Variants in CAPN2 observed in about 807,000 individuals in gnomAD.
CAPN2 encodes the protein calpain 2, also known as calpain-2 catalytic subunit.
A neutral mutation model predicts 102.3 loss-of-function variants in CAPN2; 92 were observed. The ratio of observed to expected loss-of-function variants is 0.90; its 90% CI spans 0.76 to 1.07. The LOEUF (loss-of-function observed/expected upper bound fraction) is 1.07, where lower values mean the gene tolerates loss of function less well. CAPN2 is among the 50% of genes least tolerant of loss of function. CAPN2 has a pLI of 0.00. For missense variants in CAPN2, 800 were observed against 909.4 expected, an observed-to-expected ratio of 0.88 and a Z score of 1.55; for synonymous variants, 340 against 355.4, an observed-to-expected ratio of 0.96 and a Z score of 0.49.
intron 2 of CAPN2, among the ~76,000 whole-genome samples, chr1:223,733,362 A>G (rs963485464): frequency 6.6e-6 from 1 of 151,810 alleles, no homozygotes; most frequent in Non-Finnish European, 1.5e-5. Flanking sequence ...GCTGCATCCC[A>G]CCCCCCAGGA....
intron 9 of CAPN2, among the ~76,000 whole-genome samples, chr1:223,753,823 A>G (rs1291617503): frequency 2.6e-5 from 4 of 152,238 alleles, no homozygotes; most frequent in African/African-American, 4.8e-5. Context: ...TAAATTATAT[A>G]TGAAACAGAA....
chr1:223,772,846 T>A (rs1178945019), intron 20 of CAPN2: 1 of 152,244 alleles, frequency 6.6e-6, no homozygotes, highest in African/African-American at 2.4e-5. Context: ...TGTTCTCGTG[T>A]CATCCCAATG....
At chr1:223,721,920 A>G (rs1571784236) in intron 2 of CAPN2, among the ~76,000 whole-genome samples, 1 of 152,338 alleles carries the variant, frequency 6.6e-6, no homozygotes. Context: ...TCCCAGACAA[A>G]TTCAAGGGAC....
rs981931119 is a variant in CAPN2, at chr1:223,755,739, A to G, written c.1305+90A>G. 1 of 1,272,848 alleles carries G rather than the reference A, an allele frequency of 7.9e-7. No individual in the cohort carries two copies. Among genetic ancestry groups the G allele is most frequent in the Non-Finnish European group, 1.1e-6 (1 of 940,634 alleles). 78.8% of individuals were successfully genotyped at this position (1,272,848 alleles called of 1,614,324 possible). A position where few individuals can be genotyped will look rare whatever the true frequency, so the allele number is the denominator to read the frequency against. ...GCTGACCCCAGAGGCAGAACTGGGG[A>G]TGGGATCCCAGACCGGGAGCTTGGC... On this transcript the variant is annotated intron_variant, in intron 10 of 20. Coordinates refer to ENST00000295006, the MANE Select transcript of CAPN2 (RefSeq NM_001748.5). The surrounding 1 kb of genome is among the most constrained non-coding windows in gnomAD (Gnocchi z 4.1).
In CAPN2 at chr1:223,717,804, C is replaced by T. The variant is rs144316024; in HGVS notation, c.280C>T (p.Arg94Cys). ...DPQFIIGGAT[R>C]TDICQGALGD... The stretch of plus-strand genomic sequence containing the variant: ...CCAGTTTATCATTGGAGGAGCCACC[C>T]GCACAGACATCTGCCAAGGAGCCCT... The change falls in exon 2 of 21, where the codon CGC becomes TGC. Residue 94 changes from arginine to cysteine, a missense_variant. Arg to Cys is a radical substitution (Grantham distance 180). Transcript: ENST00000295006. The T allele has an allele frequency of 2.2e-5, 35 of 1,613,954 alleles. No homozygotes were observed. The highest frequency in any genetic ancestry group is 1.7e-4 in the African/African-American group (13 of 74,902).
intron 2 of CAPN2, among the ~76,000 whole-genome samples, chr1:223,723,507 T>C (rs1358099645): frequency 6.6e-6 from 1 of 152,160 alleles, no homozygotes. Context: ...ACATTGTCCA[T>C]GGGCCATCAT....
chr1:223,712,527 G>A (rs951779944), upstream of CAPN2: 21 of 1,228,888 alleles, frequency 1.7e-5, no homozygotes, highest in African/African-American at 2.5e-4. Context: ...CGCTCGCAGC[G>A]GCGGCGCCCG....
At chr1:223,729,689 C>T (rs1177117287) in intron 2 of CAPN2, among the ~76,000 whole-genome samples, 2 of 152,112 alleles carry the variant, frequency 1.3e-5, no homozygotes, top group Non-Finnish European at 2.9e-5. Flanking sequence ...TAATTGAAAG[C>T]ATTAAGTTAC....
At chr1:223,705,995 G>A (rs1659596198) in intron 1 of CAPN2, among the ~76,000 whole-genome samples, 1 of 152,170 alleles carries the variant, frequency 6.6e-6, no homozygotes, top group African/African-American at 2.4e-5. Flanking sequence ...AAGACTACAT[G>A]TATTATTAGT....
rs1176074843 is a variant in CAPN2 at position 223,770,169 on chromosome 1, A to G, written c.1824+260A>G. On this transcript the variant is annotated intron_variant, in intron 17 of 20. Coordinates refer to ENST00000295006, the MANE Select transcript of CAPN2 (RefSeq NM_001748.5). ...AAGGCCACCATCAAGGGTTTCCTGAAAAGGGTTTTTGACAGCTAAAGTACA... is the reference window on the plus strand; with the variant it reads ...AAGGCCACCATCAAGGGTTTCCTGAGAAGGGTTTTTGACAGCTAAAGTACA... 1.0e-5 allele frequency: 6 copies of G among 579,242 alleles called. No homozygotes were observed. In the Admixed American group the frequency reaches 1.8e-4, roughly 18 times the overall value. 35.9% of individuals were successfully genotyped at this position (579,242 alleles called of 1,614,324 possible). A position where few individuals can be genotyped will look rare whatever the true frequency, so the allele number is the denominator to read the frequency against.
intron 9 of CAPN2, among the ~76,000 whole-genome samples, chr1:223,753,458 G>T (rs1265460758): frequency 6.6e-6 from 1 of 152,268 alleles, no homozygotes; most frequent in Non-Finnish European, 1.5e-5. Context: ...CCCAGATGGG[G>T]TGAAGATTTC....
At chr1:223,740,329 CT>C (rs1660581233) in intron 2 of CAPN2, among the ~76,000 whole-genome samples, 1 of 152,200 alleles carries the variant, frequency 6.6e-6, no homozygotes, top group Non-Finnish European at 1.5e-5. Flanking sequence ...TTTATACTTT[CT>C]GTGAAAGGGT....
chr1:223,758,670 T>G (rs945602622), intron 11 of CAPN2: 2 of 153,348 alleles, frequency 1.3e-5, no homozygotes, highest in Non-Finnish European at 2.9e-5. Context: ...GGCATTTGTG[T>G]TTTTTGGTAG....
intron 16 of CAPN2, among the ~76,000 whole-genome samples, chr1:223,768,693 C>T (rs1360976879): frequency 6.6e-6 from 1 of 150,760 alleles, no homozygotes; most frequent in African/African-American, 2.4e-5. Context: ...TCCATATGAA[C>T]TTTAAAGTAG....
chr1:223,743,144 G>C (rs571078931), intron 2 of CAPN2, among the ~76,000 whole-genome samples: 2 of 152,258 alleles, frequency 1.3e-5, no homozygotes, highest in Admixed American at 1.3e-4. Flanking sequence ...TTACACACCT[G>C]CTCTCATTAT....
intron 2 of CAPN2, among the ~76,000 whole-genome samples, chr1:223,737,837 T>A (rs1660506324): frequency 6.6e-6 from 1 of 151,312 alleles, no homozygotes; most frequent in African/African-American, 2.4e-5. Context: ...AAGGCATGCA[T>A]GCTTTCAAAA....
chr1:223,709,536 T>C (rs2102768614), upstream of CAPN2, among the ~76,000 whole-genome samples: 1 of 152,148 alleles, frequency 6.6e-6, no homozygotes, highest in East Asian at 1.9e-4. Flanking sequence ...GGCAGGCACC[T>C]GTAATCCCAA....
Position 223,725,641 on chromosome 1 carries a change from G to T in CAPN2, c.307+7810G>T, listed in dbSNP as rs1660171977. Among the ~76,000 whole-genome samples the T allele has an allele frequency of 6.6e-6, 1 of 152,180 alleles. No individual in the cohort carries two copies. The highest frequency in any genetic ancestry group is 2.4e-5 in the African/African-American group (1 of 41,440). Reference sequence around the variant, plus strand: ...GCACTTGACATTGGCGGCCACCTAAGTTTTGGAGAGGGGTATGACAGAGGA... The same window carrying T: ...GCACTTGACATTGGCGGCCACCTAATTTTTGGAGAGGGGTATGACAGAGGA... On this transcript the variant is annotated intron_variant, in intron 2 of 20. Transcript: ENST00000295006. This position sits in a 1 kb window ranked among gnomAD's most constrained non-coding sequence, Gnocchi z 4.1.
Position 223,775,685 on chromosome 1 carries a change from G to A in CAPN2, c.*828G>A, listed in dbSNP as rs1216713628. On this transcript the variant is annotated 3_prime_UTR_variant, in exon 21 of 21. Transcript: ENST00000295006. ...ACTAGTGTCTGTCCATGGAGTTAGA[G>A]GGGACATCACTTAGAAGTTCTTATA... The A allele has an allele frequency of 2.0e-5, 3 of 152,620 alleles. No homozygotes were observed. The highest frequency in any genetic ancestry group is 7.2e-5 in the African/African-American group (3 of 41,438). 9.5% of individuals were successfully genotyped at this position (152,620 alleles called of 1,614,324 possible). A position where few individuals can be genotyped will look rare whatever the true frequency, so the allele number is the denominator to read the frequency against.
Sources: gnomAD v4.1 joint callset for allele counts (sites outside exome capture counted in the v4.1 genomes callset) on GRCh38, gnomAD v4.1.1 for gene constraint, Gnocchi (gnomAD v3.1) non-coding constraint, MANE v1.5 for transcripts, NCBI Gene and HGNC (gene_info 2026-07-23, HGNC 2026-07-21) for gene names.